The following CCDC148 variants were observed in gnomAD, a reference collection of about 807,000 sequenced individuals.
CCDC148 encodes the protein coiled-coil domain containing 148.
In CCDC148, 89 loss-of-function variants were observed where a neutral mutation model predicts 85.7. That is an observed-to-expected ratio of 1.04 (90% CI 0.87 to 1.24). CCDC148 has a LOEUF of 1.24. Ranked by LOEUF, CCDC148 falls within the 50% of genes most tolerant of loss-of-function variation. The pLI is 0.00. For missense variants in CCDC148, 692 were observed against 671.7 expected (o/e 1.03, Z -0.33); for synonymous variants, 230 against 213.9 (o/e 1.08, Z -0.66).
intron 10 of CCDC148, among the ~76,000 whole-genome samples, chr2:158,225,782 A>C (rs1240049058): frequency 6.6e-6 from 1 of 152,214 alleles, no homozygotes; most frequent in Non-Finnish European, 1.5e-5. Flanking sequence ...AACATACCAG[A>C]ATCTCTGGGA....
intron 11 of CCDC148, among the ~76,000 whole-genome samples, chr2:158,213,532 T>C (rs964360697): frequency 2.0e-5 from 3 of 152,182 alleles, no homozygotes; most frequent in Non-Finnish European, 4.4e-5. Flanking sequence ...AGTCAAAGAT[T>C]GAACATTGTA....
At chr2:158,354,597 A>G (rs1683518838) in intron 2 of CCDC148, among the ~76,000 whole-genome samples, 1 of 152,200 alleles carries the variant, frequency 6.6e-6, no homozygotes, top group South Asian at 2.1e-4. Context: ...TAGCTTACCA[A>G]CCAAAAAGAG....
chr2:158,433,085 A>ATATATATAT (rs1553521565), intron 1 of CCDC148, among the ~76,000 whole-genome samples: 18 of 46,604 alleles, frequency 3.9e-4, no homozygotes, highest in South Asian at 2.8e-3. Context: ...AAAAAAAAAA[A>ATATATATAT]AAAAAAATAT....
intron 10 of CCDC148, among the ~76,000 whole-genome samples, chr2:158,243,795 T>C (rs1416458299): frequency 1.3e-5 from 2 of 152,216 alleles, no homozygotes; most frequent in Non-Finnish European, 2.9e-5. Flanking sequence ...CCCCAAAGCA[T>C]CAAGTCTTGA....
At chr2:158,328,302 T>C (rs1692896175) in intron 7 of CCDC148, among the ~76,000 whole-genome samples, 1 of 152,166 alleles carries the variant, frequency 6.6e-6, no homozygotes, top group African/African-American at 2.4e-5. Flanking sequence ...CTGAGAATGA[T>C]GCTTTCCAGC....
chr2:158,219,108 C>T (rs1358834519), intron 11 of CCDC148, among the ~76,000 whole-genome samples: 1 of 152,100 alleles, frequency 6.6e-6, no homozygotes, highest in African/African-American at 2.4e-5. Context: ...GGGCAATTTT[C>T]AAAATAGGCT....
chr2:158,219,560 A>G, intron 11 of CCDC148, among the ~76,000 whole-genome samples: 1 of 152,210 alleles, frequency 6.6e-6, no homozygotes, highest in East Asian at 1.9e-4. Flanking sequence ...AGGGGACACA[A>G]GTGTTGCTGT....
chr2:158,436,453 A>C (rs188996323), intron 1 of CCDC148, among the ~76,000 whole-genome samples: 7,115 of 152,268 alleles, frequency 0.047, 244 homozygotes, highest in Non-Finnish European at 0.063. Flanking sequence ...AACATACCAG[A>C]ATCTCTGGGA....
chr2:158,208,032 G>T (rs1276566585), intron 11 of CCDC148, among the ~76,000 whole-genome samples: 1 of 151,800 alleles, frequency 6.6e-6, no homozygotes, highest in East Asian at 1.9e-4. Context: ...TATTTTACAT[G>T]AGGTGTTGTT....
intron 1 of CCDC148, among the ~76,000 whole-genome samples, chr2:158,456,096 C>A (rs1324807339): frequency 6.6e-6 from 1 of 152,178 alleles, no homozygotes. Context: ...GCGGGATGTA[C>A]ACACAGATGT....
At chr2:158,305,361 GC>G (rs1301849593) in intron 9 of CCDC148, among the ~76,000 whole-genome samples, 1 of 152,178 alleles carries the variant, frequency 6.6e-6, no homozygotes, top group African/African-American at 2.4e-5. Flanking sequence ...CACAGGCCCT[GC>G]CTGAGACTGA....
chr2:158,369,715 G>A (rs945852851), intron 1 of CCDC148, among the ~76,000 whole-genome samples: 6 of 152,112 alleles, frequency 3.9e-5, no homozygotes, highest in Admixed American at 6.6e-5. Flanking sequence ...ATGTTGAACA[G>A]GAGTGGTGGG....
chr2:158,242,349 T>C (rs900513484), intron 10 of CCDC148, among the ~76,000 whole-genome samples: 6 of 152,186 alleles, frequency 3.9e-5, no homozygotes, highest in Admixed American at 3.9e-4. Context: ...AAGTAACAAT[T>C]AGAACATCAT....
At chr2:158,228,845 A>G (rs1687701508) in intron 10 of CCDC148, among the ~76,000 whole-genome samples, 1 of 151,154 alleles carries the variant, frequency 6.6e-6, no homozygotes, top group African/African-American at 2.4e-5. Context: ...GTATTTGGAG[A>G]TATACCTAAT....
chr2:158,177,763 T>C (rs973264595), intron 12 of CCDC148, among the ~76,000 whole-genome samples: 2 of 152,172 alleles, frequency 1.3e-5, no homozygotes, highest in Admixed American at 6.6e-5. Flanking sequence ...GATGATATAA[T>C]AGTCGTATGC....
At chr2:158,203,244 T>A (rs1686061074) in intron 11 of CCDC148, among the ~76,000 whole-genome samples, 2 of 151,992 alleles carry the variant, frequency 1.3e-5, no homozygotes, top group Admixed American at 1.3e-4. Context: ...AATCTCATGT[T>A]TATCTGTGCA....
intron 10 of CCDC148, among the ~76,000 whole-genome samples, chr2:158,249,099 T>A (rs1688685807): frequency 6.6e-6 from 1 of 152,162 alleles, no homozygotes. Flanking sequence ...ATTGGCACAA[T>A]TAATTGTACC....
intron 2 of CCDC148, among the ~76,000 whole-genome samples, chr2:158,356,674 G>A (rs1310816858): frequency 2.0e-4 from 29 of 145,898 alleles, no homozygotes; most frequent in East Asian, 1.0e-3. Flanking sequence ...TCAGTGTGGC[G>A]ATTCCTCAGG....
intron 1 of CCDC148, among the ~76,000 whole-genome samples, chr2:158,436,529 G>T (rs1356905806): frequency 6.6e-6 from 1 of 152,212 alleles, no homozygotes; most frequent in East Asian, 1.9e-4. Context: ...AAGCAGGAAA[G>T]ATCTAAAATG....
Sources: allele counts gnomAD v4.1 joint callset (sites outside exome capture counted in the v4.1 genomes callset), GRCh38; gene constraint gnomAD v4.1.1; transcripts MANE v1.5; gene names NCBI Gene and HGNC (gene_info 2026-07-23, HGNC 2026-07-21).